The following DLG2 variants were observed in gnomAD, a reference collection of about 807,000 sequenced individuals.
DLG2 encodes disks large homolog 2.
Under a neutral mutation model 132.5 loss-of-function variants are expected in DLG2, and 45 were observed. The ratio of observed to expected loss-of-function variants is 0.34; its 90% CI spans 0.27 to 0.44. DLG2 has a LOEUF of 0.44. DLG2 is among the 20% of genes least tolerant of loss of function. DLG2 has a pLI of 1.00. For synonymous variants in DLG2, 424 were observed against 419.6 expected, an observed-to-expected ratio of 1.01 and a Z score of -0.13; for missense variants, 1,045 against 1,196.9, an observed-to-expected ratio of 0.87 and a Z score of 1.87.
At chr11:85,288,585 G>T (rs547139749) in intron 3 of DLG2, among the ~76,000 whole-genome samples, 1 of 152,148 alleles carries the variant, frequency 6.6e-6, no homozygotes, top group East Asian at 1.9e-4. Context: ...CTTGAACCCA[G>T]AAGGTCAAGG....
At chr11:83,657,063 C>T (rs993561186) in intron 18 of DLG2, among the ~76,000 whole-genome samples, 2 of 152,208 alleles carry the variant, frequency 1.3e-5, no homozygotes, top group African/African-American at 4.8e-5. Context: ...AAGCTTCAGT[C>T]AGCAAGAGTT....
intron 3 of DLG2, among the ~76,000 whole-genome samples, chr11:85,532,179 G>T (rs1362153794): frequency 6.6e-6 from 1 of 152,160 alleles, no homozygotes; most frequent in African/African-American, 2.4e-5. Flanking sequence ...AAAAGAAAAA[G>T]TGGTCTTACG....
intron 15 of DLG2, among the ~76,000 whole-genome samples, chr11:83,875,474 T>C (rs1266219638): frequency 1.3e-5 from 2 of 152,152 alleles, no homozygotes; most frequent in Admixed American, 6.6e-5. Context: ...GACTGTTTGA[T>C]TCTAGAGTCA....
At chr11:85,541,512 A>G (rs1490371706) in intron 3 of DLG2, among the ~76,000 whole-genome samples, 1 of 150,866 alleles carries the variant, frequency 6.6e-6, no homozygotes, top group Non-Finnish European at 1.5e-5. Flanking sequence ...TATTATTATA[A>G]TATATACTAA....
intron 7 of DLG2, among the ~76,000 whole-genome samples, chr11:84,342,888 G>T (rs929012691): frequency 6.6e-6 from 1 of 152,132 alleles, no homozygotes; most frequent in African/African-American, 2.4e-5. Flanking sequence ...AGGTAATCCT[G>T]TGAATTTGGA....
At chr11:83,608,988 G>A (rs192402706) in intron 19 of DLG2, among the ~76,000 whole-genome samples, 47 of 152,210 alleles carry the variant, frequency 3.1e-4, no homozygotes, top group Admixed American at 1.4e-3. Context: ...ATAGCAAGCC[G>A]TCAGCACATT....
chr11:84,630,989 C>G (rs941547632), intron 6 of DLG2, among the ~76,000 whole-genome samples: 1 of 109,380 alleles, frequency 9.1e-6, no homozygotes, highest in Non-Finnish European at 1.9e-5. Flanking sequence ...TTCTCTCTCT[C>G]TCTCTCTCTC....
chr11:85,402,305 C>G (rs551125041), intron 3 of DLG2, among the ~76,000 whole-genome samples: 10 of 152,244 alleles, frequency 6.6e-5, no homozygotes, highest in African/African-American at 2.4e-4. Context: ...AAAGCTGAAA[C>G]TGGATCCTTT....
At chr11:83,877,109 G>A (rs75742245) in intron 15 of DLG2, among the ~76,000 whole-genome samples, 3,193 of 152,048 alleles carry the variant, frequency 0.021, 100 homozygotes, top group African/African-American at 0.07. Flanking sequence ...CTTTTCAAAA[G>A]CTTTGTATCA....
At chr11:84,970,836 A>G (rs1450710348) in intron 6 of DLG2, among the ~76,000 whole-genome samples, 1 of 152,152 alleles carries the variant, frequency 6.6e-6, no homozygotes. Flanking sequence ...TTAACTATCA[A>G]TGGTGGTATA....
chr11:85,422,934 T>C (rs1180112307), intron 3 of DLG2, among the ~76,000 whole-genome samples: 2 of 150,394 alleles, frequency 1.3e-5, no homozygotes, highest in Admixed American at 6.7e-5. Context: ...CTGAATTCTT[T>C]TTCAGGTAAA....
intron 7 of DLG2, among the ~76,000 whole-genome samples, chr11:84,288,451 T>C (rs1243067344): frequency 1.3e-5 from 2 of 152,078 alleles, no homozygotes; most frequent in Non-Finnish European, 2.9e-5. Flanking sequence ...GAAGATAGAA[T>C]ACCTATGACT....
At chr11:83,865,796 G>A (rs2062230700) in intron 16 of DLG2, among the ~76,000 whole-genome samples, 1 of 152,134 alleles carries the variant, frequency 6.6e-6, no homozygotes, top group Non-Finnish European at 1.5e-5. Context: ...GACCCCATCA[G>A]GCAGCCTCTT....
At chr11:85,272,388 T>C (rs1200146420) in intron 4 of DLG2, among the ~76,000 whole-genome samples, 2 of 152,206 alleles carry the variant, frequency 1.3e-5, no homozygotes, top group African/African-American at 4.8e-5. Flanking sequence ...TTTTAAGAAA[T>C]TGACTCTTGC....
intron 7 of DLG2, among the ~76,000 whole-genome samples, chr11:84,260,900 C>T (rs1567102056): frequency 6.6e-6 from 1 of 151,956 alleles, no homozygotes; most frequent in Non-Finnish European, 1.5e-5. Flanking sequence ...GAAGATCCCA[C>T]AAAAAATGGA....
At chr11:84,093,752 T>C (rs1016509750) in intron 10 of DLG2, among the ~76,000 whole-genome samples, 7 of 151,912 alleles carry the variant, frequency 4.6e-5, no homozygotes, top group African/African-American at 1.7e-4. Context: ...GTAGCTGGGA[T>C]TACAGGCGCC....
At chr11:83,971,644 A>G (rs1018305439) in intron 12 of DLG2, among the ~76,000 whole-genome samples, 3 of 152,174 alleles carry the variant, frequency 2.0e-5, no homozygotes, top group African/African-American at 7.2e-5. Context: ...TACCTAAGGC[A>G]TAGTACAAGG....
chr11:83,894,751 C>T (rs556654181), intron 15 of DLG2, among the ~76,000 whole-genome samples: 27 of 152,162 alleles, frequency 1.8e-4, no homozygotes, highest in Non-Finnish European at 2.9e-4. Context: ...CTTGTTTCTT[C>T]CATCTAACTA....
intron 7 of DLG2, among the ~76,000 whole-genome samples, chr11:84,365,914 C>T (rs1201241311): frequency 6.6e-6 from 1 of 151,914 alleles, no homozygotes; most frequent in Non-Finnish European, 1.5e-5. Context: ...GGAGAACTTC[C>T]CCAATCTAGC....
Sources: gnomAD v4.1 joint callset for allele counts (sites outside exome capture counted in the v4.1 genomes callset) on GRCh38, gnomAD v4.1.1 for gene constraint, MANE v1.5 for transcripts, NCBI Gene and HGNC (gene_info 2026-07-23, HGNC 2026-07-21) for gene names.